Variants in SMOC1 observed in about 807,000 individuals in gnomAD.
SMOC1 encodes the protein SPARC related modular calcium binding 1.
SMOC1 carries 22 observed loss-of-function variants against 56.3 expected under a neutral mutation model. The observed-to-expected ratio is 0.39, with a 90% confidence interval of 0.28 to 0.56. SMOC1 has a LOEUF of 0.56. Among genes scored for constraint, SMOC1 ranks in the 20% least tolerant of loss-of-function variants. The probability of loss-of-function intolerance (pLI) is 0.61; values close to 1 mark genes in which losing one functional copy is unlikely to be tolerated. For synonymous variants in SMOC1, 193 were observed against 215.0 expected (o/e 0.90, Z 0.89); for missense variants, 509 against 565.4 (o/e 0.90, Z 1.01).
chr14:69,924,499 C>G (rs983634792), intron 1 of SMOC1, among the ~76,000 whole-genome samples: 2 of 151,946 alleles, frequency 1.3e-5, no homozygotes, highest in African/African-American at 2.4e-5. Flanking sequence ...AATGGGAAAC[C>G]CTCCAGTGCC....
At chr14:69,971,372 C>T (rs1282035366) in intron 3 of SMOC1, among the ~76,000 whole-genome samples, 1 of 152,192 alleles carries the variant, frequency 6.6e-6, no homozygotes, top group African/African-American at 2.4e-5. Context: ...AGAAGGTAAC[C>T]TCACTTAGGT....
At chr14:69,975,164 C>T (rs942407442) in intron 3 of SMOC1, among the ~76,000 whole-genome samples, 8 of 152,004 alleles carry the variant, frequency 5.3e-5, no homozygotes, top group African/African-American at 9.7e-5. Context: ...GCTAACATGG[C>T]GAAACCCATT....
At chr14:70,015,416 A>G (rs184226578) in intron 10 of SMOC1, among the ~76,000 whole-genome samples, 154 of 152,236 alleles carry the variant, frequency 1.0e-3, no homozygotes, top group African/African-American at 3.7e-3. Flanking sequence ...AACAGGCTAG[A>G]TCTCCTGTTT....
intron 1 of SMOC1, among the ~76,000 whole-genome samples, chr14:69,905,387 G>A (rs996242491): frequency 1.3e-5 from 2 of 152,190 alleles, no homozygotes; most frequent in Non-Finnish European, 2.9e-5. Flanking sequence ...GATTGTGAGG[G>A]AATAGAAGGA....
In SMOC1 at chr14:69,895,938, T is replaced by G. The variant is rs1594790391; in HGVS notation, c.99+16161T>G. Among the ~76,000 whole-genome samples, 2 of 151,222 alleles carry G rather than the reference T, an allele frequency of 1.3e-5. 1 individual carries two copies. Among genetic ancestry groups the G allele is most frequent in the Middle Eastern group, 6.8e-3 (2 of 294 alleles). On this transcript the variant is annotated intron_variant, in intron 1 of 11. Transcript: ENST00000361956. ...AGAGTGCAGGGGTGCAACTGAACTC[T>G]TGGGGCTCATATGATCCTAATGCCT...
At chr14:69,974,873 T>C (rs941816126) in intron 3 of SMOC1, among the ~76,000 whole-genome samples, 6 of 152,120 alleles carry the variant, frequency 3.9e-5, no homozygotes, top group Non-Finnish European at 7.4e-5. Context: ...AATCCCGTCA[T>C]GTGTGCCCTC....
rs561630065 is a variant in SMOC1 at position 70,021,749 on chromosome 14, C to T, written c.1047-1454C>T. 2.0e-5 allele frequency among the ~76,000 whole-genome samples: 3 copies of T among 152,242 alleles called. No homozygotes were observed. The South Asian group carries it at 6.2e-4, about 32-fold the overall frequency. ...ATAATGGAACTTCTTTTTCCCTGAA[C>T]TTGGACGTTACTTGGTGGGGTGGAA... On this transcript the variant is annotated intron_variant, in intron 10 of 11. Transcript: ENST00000361956.
At chr14:69,883,793 GT>G (rs1487433702) in intron 1 of SMOC1, among the ~76,000 whole-genome samples, 1 of 143,706 alleles carries the variant, frequency 7.0e-6, no homozygotes, top group Non-Finnish European at 1.5e-5. Context: ...AGCACTTGTT[GT>G]TTTTTGTCTT....
chr14:69,951,324 T>C (rs1882989196), intron 1 of SMOC1, among the ~76,000 whole-genome samples: 1 of 152,194 alleles, frequency 6.6e-6, no homozygotes, highest in Admixed American at 6.5e-5. Flanking sequence ...GGAGAGGAAA[T>C]TAGACTCCAT....
chr14:69,922,662 A>G (rs964337464), intron 1 of SMOC1, among the ~76,000 whole-genome samples: 1 of 152,078 alleles, frequency 6.6e-6, no homozygotes, highest in African/African-American at 2.4e-5. Flanking sequence ...TGCTGCCAAG[A>G]TCTCTAGGTG....
At chr14:69,996,100 A>G (rs1266187400) in intron 7 of SMOC1, among the ~76,000 whole-genome samples, 1 of 152,076 alleles carries the variant, frequency 6.6e-6, no homozygotes. Context: ...AACATACAGC[A>G]CTTTTTTGGC....
In SMOC1 at chr14:69,992,318, C is replaced by T. The variant is rs182184555; in HGVS notation, c.527-99C>T. Reference sequence around the variant, plus strand: ...TTCTCTTCACTGGGACTTGGCCGGGCCTTGTACAAACCCCAACCATTCAAC... The same window carrying T: ...TTCTCTTCACTGGGACTTGGCCGGGTCTTGTACAAACCCCAACCATTCAAC... On this transcript the variant is annotated intron_variant, in intron 5 of 11. Coordinates refer to ENST00000361956, the MANE Select transcript of SMOC1 (RefSeq NM_001034852.3). 2.3e-4 allele frequency: 261 copies of T among 1,147,842 alleles called. No homozygotes were observed. The African/African-American group carries it at 3.1e-3, about 14-fold the overall frequency. The allele number at this position is 1,147,842 out of a possible 1,614,324, so 71.1% of individuals were successfully genotyped here.
In SMOC1 at chr14:69,879,701, G is replaced by A. The variant is rs767616965; in HGVS notation, c.23G>A (p.Arg8His). Residue 8 changes from arginine (R) to histidine (H), a missense_variant, in exon 1 of 12, where the codon CGC (arginine) becomes CAC (histidine). Physicochemically the swap from Arg to His is conservative, Grantham distance 29. This residue lies in a region of SMOC1 where 315 missense variants were observed against 333.1 expected (regional missense o/e 0.95). Transcript: ENST00000361956. ...ACCATGCTGCCCGCGCGCTGCGCCC[G>A]CCTGCTCACGCCCCACTTGCTGCTG... MLPARCA[R>H]LLTPHLLLVL... 1.9e-6 allele frequency: 3 copies of A among 1,579,500 alleles called. No individual in the cohort carries two copies. Among genetic ancestry groups the A allele is most frequent in the East Asian group, 2.3e-5 (1 of 42,684 alleles).
intron 7 of SMOC1, among the ~76,000 whole-genome samples, chr14:70,005,776 G>T (rs903375624): frequency 1.3e-5 from 2 of 152,194 alleles, no homozygotes; most frequent in Non-Finnish European, 2.9e-5. Flanking sequence ...GCGTGTGAGT[G>T]TGTATGTGTG....
chr14:69,986,096 G>A (rs1052222047), intron 5 of SMOC1, among the ~76,000 whole-genome samples: 4 of 152,198 alleles, frequency 2.6e-5, no homozygotes, highest in African/African-American at 9.7e-5. Flanking sequence ...GTTGATATAT[G>A]CAACCACAAC....
chr14:70,013,451 G>A lies in SMOC1; in HGVS notation c.1006G>A (p.Val336Ile), dbSNP rs763040497. ...SLLDALTTDM[V>I]QAINSAAPTG... ...ACTGGATGCTCTCACCACTGACATG[G>A]TTCAGGCCATTAACTCAGCAGCGCC... Residue 336 changes from valine to isoleucine, a missense_variant, in exon 10 of 12, where the codon GTT (valine) becomes ATT (isoleucine). This residue lies in a region of SMOC1 where 176 missense variants were observed against 188.1 expected (regional missense o/e 0.94). Transcript: ENST00000361956. 6.2e-7 allele frequency: 1 copy of A among 1,614,198 alleles called. No homozygotes were observed. The highest frequency in any genetic ancestry group is 1.7e-5 in the Admixed American group (1 of 60,030).
intron 1 of SMOC1, among the ~76,000 whole-genome samples, chr14:69,923,541 C>T (rs866663825): frequency 3.3e-5 from 5 of 152,104 alleles, no homozygotes; most frequent in African/African-American, 7.2e-5. Context: ...TCTCTCAGTG[C>T]GGGACAACCC....
chr14:69,982,977 C>T (rs898970794), intron 5 of SMOC1, among the ~76,000 whole-genome samples: 1 of 152,238 alleles, frequency 6.6e-6, no homozygotes, highest in Admixed American at 6.5e-5. Context: ...TCCACCAAGC[C>T]TGGAATGTTC....
rs114088569 is a variant in SMOC1 at position 69,963,913 on chromosome 14, C to T, written c.378+10381C>T. ...TCATGTTTTCAATGGAAGAACTGGT[C>T]CCCATGCCCCCATCACCCATCAGGT... On this transcript the variant is annotated intron_variant, in intron 3 of 11. Coordinates refer to ENST00000361956, the MANE Select transcript of SMOC1 (RefSeq NM_001034852.3). 9.3e-3 allele frequency among the ~76,000 whole-genome samples: 1,418 copies of T among 152,288 alleles called. 23 individuals are homozygous for T. The highest frequency in any genetic ancestry group is 0.033 in the African/African-American group (1,359 of 41,542).
Sources: allele counts gnomAD v4.1 joint callset (sites outside exome capture counted in the v4.1 genomes callset), GRCh38; gene constraint gnomAD v4.1.1; regional missense constraint gnomAD v4.1.1; transcripts MANE v1.5; gene names NCBI Gene and HGNC (gene_info 2026-07-23, HGNC 2026-07-21).